Variants in MRPL15 observed in about 807,000 individuals in gnomAD.
The protein encoded by MRPL15 is large ribosomal subunit protein uL15m.
Under a neutral mutation model 28.0 loss-of-function variants are expected in MRPL15, and 24 were observed. The ratio of observed to expected loss-of-function variants is 0.86; its 90% CI spans 0.62 to 1.21. MRPL15 has a LOEUF of 1.21. MRPL15 is among the 50% of genes most tolerant of loss of function. MRPL15 has a pLI of 0.00. For synonymous variants in MRPL15, 124 were observed against 137.0 expected, an observed-to-expected ratio of 0.90 and a Z score of 0.66; for missense variants, 343 against 372.4, an observed-to-expected ratio of 0.92 and a Z score of 0.65.
rs1490493551 is a variant in MRPL15 at position 54,147,585 on chromosome 8, T to C, written c.757T>C (p.Phe253Leu). The C allele has an allele frequency of 1.2e-6, 2 of 1,614,196 alleles. No homozygotes were observed. The highest frequency in any genetic ancestry group is 2.2e-5 in the South Asian group (2 of 91,080). The part of the protein sequence containing the change: ...ILPDITKDEL[F>L]KMLCTRKDPR... ...ACCTGATATCACTAAAGATGAACTCTTCAAAATGCTCTGTACTAGGAAGGA... is the reference window on the plus strand; with the variant it reads ...ACCTGATATCACTAAAGATGAACTCCTCAAAATGCTCTGTACTAGGAAGGA... The change falls in exon 5 of 5, where the codon TTC becomes CTC. Residue 253 changes from phenylalanine (F) to leucine (L), a missense_variant. Physicochemically the swap from Phe to Leu is conservative, Grantham distance 22 (BLOSUM62 0). Transcript: ENST00000260102.
At chr8:54,137,732 G>A (rs1358032771) in intron 3 of MRPL15, among the ~76,000 whole-genome samples, 8 of 152,094 alleles carry the variant, frequency 5.3e-5, no homozygotes, top group Non-Finnish European at 1.2e-4. Context: ...CCAAAGTGCT[G>A]GAATTACAGG....
rs1339812275 is a variant in MRPL15, at chr8:54,148,469, C to G, written c.*750C>G. On this transcript the variant is annotated 3_prime_UTR_variant, in exon 5 of 5. Coordinates refer to ENST00000260102, the MANE Select transcript of MRPL15 (RefSeq NM_014175.4). The stretch of plus-strand genomic sequence containing the variant: ...TTGGGCCATGTGGTCAGTGTTATAG[C>G]TCTAGTAGAAGTCATGGGTCACGGA... Among the ~76,000 whole-genome samples the G allele has an allele frequency of 1.3e-5, 2 of 152,176 alleles. No homozygotes were observed. Among genetic ancestry groups the G allele is most frequent in the Non-Finnish European group, 2.9e-5 (2 of 68,030 alleles).
At chr8:54,143,140 G>A (rs1216409843) in intron 4 of MRPL15, among the ~76,000 whole-genome samples, 1 of 151,944 alleles carries the variant, frequency 6.6e-6, no homozygotes, top group African/African-American at 2.4e-5. Flanking sequence ...GAGTGCAGTG[G>A]CGCAATCTCT....
rs761701247 is a variant in MRPL15 at position 54,135,370 on chromosome 8, G to A, written c.87G>A (p.Pro29=). The A allele has an allele frequency of 1.7e-5, 26 of 1,525,040 alleles. No homozygotes were observed. The highest frequency in any genetic ancestry group is 2.0e-5 in the Non-Finnish European group (23 of 1,133,582). The allele number at this position is 1,525,040 out of a possible 1,614,324, so 94.5% of individuals were successfully genotyped here. Reference sequence around the variant, plus strand: ...GTGTGAGCCTGGCCAACTTAAAGCCGAATCCCGGCTCCAAGAAACCGGTAA... The same window carrying A: ...GTGTGAGCCTGGCCAACTTAAAGCCAAATCCCGGCTCCAAGAAACCGGTAA... The part of the protein sequence containing the change: ...LPRVSLANLK[P]NPGSKKPERR... Residue 29 remains proline, a synonymous_variant, in exon 1 of 5, where the codon CCG becomes CCA. Transcript: ENST00000260102.
At position 54,142,922 on chromosome 8, in the gene MRPL15, T is replaced by C. The variant is rs1352652779; in HGVS notation, c.553+136T>C. ...TGATCTACATCTACCATATGGATTA[T>C]TATGATTTAAAGAATACAGCCTGTT... is the stretch of plus-strand genomic sequence containing the variant. On this transcript the variant is annotated intron_variant, in intron 4 of 4. Coordinates refer to ENST00000260102, the MANE Select transcript of MRPL15 (RefSeq NM_014175.4). 3.9e-6 allele frequency: 5 copies of C among 1,274,700 alleles called. No homozygotes were observed. The South Asian group carries it at 5.8e-5, about 15-fold the overall frequency. The allele number at this position is 1,274,700 out of a possible 1,614,324, so 79.0% of individuals were successfully genotyped here.
intron 3 of MRPL15, among the ~76,000 whole-genome samples, 186 bp from the exon 4 acceptor site, chr8:54,142,477 T>C (rs1476916068): frequency 6.6e-6 from 1 of 152,190 alleles, no homozygotes; most frequent in Non-Finnish European, 1.5e-5. Flanking sequence ...TATTACTTTT[T>C]TTCCGAAAAT....
chr8:54,136,791 C>T, intron 2 of MRPL15, 126 bp downstream of exon 2: 2 of 1,170,656 alleles, frequency 1.7e-6, no homozygotes, highest in Non-Finnish European at 2.4e-6. Context: ...GCTACTGTTC[C>T]CCTGAACCAT....
rs777597070 is a variant in MRPL15, at chr8:54,137,277, C to A, written c.273C>A (p.Arg91=). The A allele has an allele frequency of 2.5e-6, 4 of 1,611,812 alleles. No individual in the cohort carries two copies. The highest frequency in any genetic ancestry group is 1.7e-5 in the Admixed American group (1 of 59,516). The stretch of plus-strand genomic sequence containing the variant: ...CATTCTTGTTTTACAGTTTCAGACG[C>A]CAGTATAAGCCTTTGAGTCTCAATA... ...YGFNEGHSFR[R]QYKPLSLNRL... is the part of the protein sequence containing the mutation. Residue 91 remains arginine, a synonymous_variant, in exon 3 of 5, where the codon CGC becomes CGA. Coordinates refer to ENST00000260102, the MANE Select transcript of MRPL15 (RefSeq NM_014175.4).
rs909614851 is a variant in MRPL15 at position 54,148,329 on chromosome 8, G to T, written c.*610G>T. On this transcript the variant is annotated 3_prime_UTR_variant, in exon 5 of 5. Coordinates refer to ENST00000260102, the MANE Select transcript of MRPL15 (RefSeq NM_014175.4). Reference sequence around the variant, plus strand: ...CAATTCTGTGGTAGAAGTGTTACAGGCAGGCCTTTGTTCTTAGAGCTCCCA... The same window carrying T: ...CAATTCTGTGGTAGAAGTGTTACAGTCAGGCCTTTGTTCTTAGAGCTCCCA... Among the ~76,000 whole-genome samples the T allele has an allele frequency of 6.6e-6, 1 of 152,204 alleles. No individual in the cohort carries two copies. Among genetic ancestry groups the T allele is most frequent in the Non-Finnish European group, 1.5e-5 (1 of 68,030 alleles).
intron 3 of MRPL15, among the ~76,000 whole-genome samples, 176 bp from the exon 4 acceptor site, chr8:54,142,487 T>C (rs1245300108): frequency 1.3e-5 from 2 of 152,170 alleles, no homozygotes; most frequent in Non-Finnish European, 2.9e-5. Context: ...TTTCCGAAAA[T>C]TATCCATTCA....
At position 54,147,594 on chromosome 8, in the gene MRPL15, C is replaced by T. The variant is rs748768427; in HGVS notation, c.766C>T (p.Leu256Phe). 1 of 1,614,148 alleles carries T rather than the reference C, an allele frequency of 6.2e-7. No homozygotes were observed. The highest frequency in any genetic ancestry group is 1.1e-5 in the South Asian group (1 of 91,080). ...DITKDELFKM[L>F]CTRKDPRQIF... ...CACTAAAGATGAACTCTTCAAAATGCTCTGTACTAGGAAGGATCCAAGGCA... is the reference window on the plus strand; with the variant it reads ...CACTAAAGATGAACTCTTCAAAATGTTCTGTACTAGGAAGGATCCAAGGCA... Residue 256 changes from leucine (L) to phenylalanine (F), a missense_variant, in exon 5 of 5, where the codon CTC (leucine) becomes TTC (phenylalanine). Transcript: ENST00000260102.
rs1277382754 is a variant in MRPL15 at position 54,135,401 on chromosome 8, T to C, written c.108+10T>C. On this transcript the variant is annotated intron_variant, in intron 1 of 4. Coordinates refer to ENST00000260102, the MANE Select transcript of MRPL15 (RefSeq NM_014175.4). ...CGGCTCCAAGAAACCGGTAAATGGG[T>C]GGTGGCGGTGCGGGGAAGCGCTGGG... 87 of 1,525,432 alleles carry C rather than the reference T, an allele frequency of 5.7e-5. No homozygotes were observed. The highest frequency in any genetic ancestry group is 7.6e-5 in the Non-Finnish European group (86 of 1,134,204). The allele number at this position is 1,525,432 out of a possible 1,614,324, so 94.5% of individuals were successfully genotyped here.
At chr8:54,143,931 T>C (rs1810974160) in intron 4 of MRPL15, among the ~76,000 whole-genome samples, 1 of 152,234 alleles carries the variant, frequency 6.6e-6, no homozygotes, top group Non-Finnish European at 1.5e-5. Flanking sequence ...CTCTGCTTAT[T>C]AGGAGATCTT....
At chr8:54,138,156 A>G (rs1289702258) in intron 3 of MRPL15, among the ~76,000 whole-genome samples, 3 of 151,396 alleles carry the variant, frequency 2.0e-5, no homozygotes, top group Admixed American at 1.3e-4. Context: ...GAGTTTCGCC[A>G]TATTGGCCAA....
intron 4 of MRPL15, among the ~76,000 whole-genome samples, chr8:54,146,203 T>A (rs1432308263): frequency 6.6e-6 from 1 of 152,178 alleles, no homozygotes; most frequent in Non-Finnish European, 1.5e-5. Flanking sequence ...TCCCAGCACT[T>A]TGGGAGGCCA....
intron 2 of MRPL15, among the ~76,000 whole-genome samples, 193 bp from the exon 3 acceptor site, chr8:54,137,075 G>T (rs546144079): frequency 5.3e-5 from 8 of 152,296 alleles, no homozygotes; most frequent in African/African-American, 1.9e-4. Flanking sequence ...ATAATTTTTA[G>T]TGGAACAAAG....
intron 3 of MRPL15, among the ~76,000 whole-genome samples, chr8:54,138,654 A>G (rs887922629): frequency 6.6e-6 from 1 of 152,042 alleles, no homozygotes; most frequent in African/African-American, 2.4e-5. Context: ...TTAAAAGAGC[A>G]CTTGCCCTGC....
chr8:54,138,301 CTTTTTTTTTTTTTT>C (rs71254537), intron 3 of MRPL15, among the ~76,000 whole-genome samples: 1 of 56,990 alleles, frequency 1.8e-5, no homozygotes. Flanking sequence ...TCAGGAAGAT[CTTTTTTTTTTTTTT>C]TTTTTTTTTT....
In MRPL15 at chr8:54,147,854, A is replaced by G. The variant is rs1811072684; in HGVS notation, c.*135A>G. On this transcript the variant is annotated 3_prime_UTR_variant, in exon 5 of 5. Coordinates refer to ENST00000260102, the MANE Select transcript of MRPL15 (RefSeq NM_014175.4). The stretch of plus-strand genomic sequence containing the variant: ...ACTTTTCAGTGTACTCATATGTCTC[A>G]TTTTCATCTAAAATTAAATGGCAGG... 1 of 738,600 alleles carries G rather than the reference A, an allele frequency of 1.4e-6. No homozygotes were observed. The highest frequency in any genetic ancestry group is 2.7e-5 in the East Asian group (1 of 36,860). 45.8% of individuals were successfully genotyped at this position (738,600 alleles called of 1,614,324 possible). A position where few individuals can be genotyped will look rare whatever the true frequency, so the allele number is the denominator to read the frequency against.
Sources: allele counts gnomAD v4.1 joint callset (sites outside exome capture counted in the v4.1 genomes callset), GRCh38; gene constraint gnomAD v4.1.1; transcripts MANE v1.5; gene names NCBI Gene and HGNC (gene_info 2026-07-23, HGNC 2026-07-21).